Variants in METTL27 observed in about 807,000 individuals in gnomAD.
The protein encoded by METTL27 is methyltransferase-like protein 27.
In METTL27, 29 loss-of-function variants were observed where a neutral mutation model predicts 24.5. That is an observed-to-expected ratio of 1.18 (90% CI 0.88 to 1.61). The LOEUF (loss-of-function observed/expected upper bound fraction) is 1.61. Among genes scored for constraint, METTL27 ranks in the 40% most tolerant of loss-of-function variants. The probability of loss-of-function intolerance (pLI) is 0.00; values close to 1 mark genes in which losing one functional copy is unlikely to be tolerated. For synonymous variants in METTL27, 138 were observed against 146.8 expected (o/e 0.94, Z 0.43); for missense variants, 341 against 324.3 (o/e 1.05, Z -0.40).
At chr7:73,840,342 G>A in intron 4 of METTL27, 72 bp downstream of exon 4, 2 of 1,544,206 alleles carry the variant, frequency 1.3e-6, no homozygotes, top group Non-Finnish European at 1.7e-6. Flanking sequence ...TGTGGGAGAG[G>A]GATGGAGGAT....
At chr7:73,841,982 C>A in intron 2 of METTL27, 36 bp downstream of exon 2, 1 of 1,613,704 alleles carries the variant, frequency 6.2e-7, no homozygotes, top group Non-Finnish European at 8.5e-7. Flanking sequence ...AAAATGGAGG[C>A]TGGTCTAGTG....
At chr7:73,842,398 T>G in intron 1 of METTL27, 92 bp downstream of exon 1, 4 of 473,278 alleles carry the variant, frequency 8.5e-6, no homozygotes, top group Non-Finnish European at 1.4e-5. Flanking sequence ...AGGACCTATC[T>G]TCCTCTTTTC....
rs1788319266 is a variant in METTL27 at position 73,840,443 on chromosome 7, A to G, written c.359T>C (p.Leu120Pro). Residue 120 changes from leucine (L) to proline (P), a missense_variant, in exon 4 of 6, where the codon CTG becomes CCG. Leu to Pro is a moderately conservative substitution (Grantham distance 98). Transcript: ENST00000297873. ...GLYQRLSLCT[L>P]GQEPLPSPEG... is the part of the protein sequence containing the mutation. ...CGGGCTGGGCAGAGGCTCCTGGCCC[A>G]GGGTGCAGAGGCTGAGGCGCTGATA... 2 of 1,594,692 alleles carry G rather than the reference A, an allele frequency of 1.3e-6. No individual in the cohort carries two copies. Among genetic ancestry groups the G allele is most frequent in the Non-Finnish European group, 1.7e-6 (2 of 1,171,426 alleles).
intron 3 of METTL27, 63 bp downstream of exon 3, chr7:73,841,007 G>A: frequency 2.1e-6 from 3 of 1,405,356 alleles, no homozygotes; most frequent in Non-Finnish European, 2.8e-6. Context: ...GGGGCCAGGG[G>A]CAGTAGGAGA....
At chr7:73,839,922 C>A in intron 5 of METTL27, 109 bp downstream of exon 5, 1 of 1,004,608 alleles carries the variant, frequency 1.0e-6, no homozygotes, top group Non-Finnish European at 1.4e-6. Context: ...CTGGGCAGGA[C>A]GCTGCCCCTC....
chr7:73,834,796 G>T lies in METTL27; in HGVS notation c.685C>A (p.Pro229Thr), dbSNP rs1554634706. The change falls in exon 6 of 6, where the codon CCG (proline) becomes ACG (threonine). Residue 229 changes from proline to threonine, a missense_variant. Pro to Thr is a conservative substitution (Grantham distance 38). Coordinates refer to ENST00000297873, the MANE Select transcript of METTL27 (RefSeq NM_152559.3). ...CTTTCGGTACAGGTAGACAATGCCGGAGATGAAGCCATCCTTGGCAGAGAT... is the reference window on the plus strand; with the variant it reads ...CTTTCGGTACAGGTAGACAATGCCGTAGATGAAGCCATCCTTGGCAGAGAT... ...PASLPRMASS[P>T]ALSTCTESGR... 4 of 1,614,148 alleles carry T rather than the reference G, an allele frequency of 2.5e-6. No individual in the cohort carries two copies. Among genetic ancestry groups the T allele is most frequent in the Non-Finnish European group, 3.4e-6 (4 of 1,180,040 alleles).
At chr7:73,837,155 C>CA (rs1788232461) in intron 5 of METTL27, among the ~76,000 whole-genome samples, 1 of 143,784 alleles carries the variant, frequency 7.0e-6, no homozygotes, top group Non-Finnish European at 1.5e-5. Context: ...CGGAAGGCCG[C>CA]AGGGTCCTCT....
intron 4 of METTL27, 125 bp from the exon 5 acceptor site, chr7:73,840,245 C>T: frequency 6.9e-7 from 1 of 1,451,348 alleles, no homozygotes; most frequent in East Asian, 2.4e-5. Context: ...GGACCCAGGT[C>T]CCCTAGAGGA....
rs1214985989 is a variant in METTL27, at chr7:73,842,134, G to T, written c.7C>A (p.Gln3Lys). 6.2e-7 allele frequency: 1 copy of T among 1,610,400 alleles called. No individual in the cohort carries two copies. Among genetic ancestry groups the T allele is most frequent in the African/African-American group, 1.3e-5 (1 of 74,854 alleles). The change falls in exon 2 of 6, where the codon CAG (glutamine) becomes AAG (lysine). Residue 3 changes from glutamine (Q) to lysine (K), a missense_variant. By Grantham distance (53) the Gln-to-Lys change is moderately conservative. Transcript: ENST00000297873. MA[Q>K]EEGGSLPEVR... ...TCGGGCAGGCTCCCACCCTCCTCCTGGGCCATGCTCCTGTGGGGACACCGT... is the reference window on the plus strand; with the variant it reads ...TCGGGCAGGCTCCCACCCTCCTCCTTGGCCATGCTCCTGTGGGGACACCGT...
At chr7:73,841,301 G>A (rs1788348606) in intron 2 of METTL27, 103 bp from the exon 3 acceptor site, 3 of 1,466,966 alleles carry the variant, frequency 2.0e-6, no homozygotes, top group Non-Finnish European at 2.7e-6. Flanking sequence ...GTGTGTGTTG[G>A]GGATCAAGCC....
At chr7:73,840,353 C>G (rs151336190) in intron 4 of METTL27, 61 bp downstream of exon 4, 725 of 1,546,814 alleles carry the variant, frequency 4.7e-4, no homozygotes, top group South Asian at 2.0e-3. Context: ...GATGGAGGAT[C>G]AGCAAGGGAA....
intron 5 of METTL27, among the ~76,000 whole-genome samples, chr7:73,837,679 T>G (rs1192148398): frequency 6.6e-6 from 1 of 152,108 alleles, no homozygotes; most frequent in African/African-American, 2.4e-5. Flanking sequence ...TTCTCCTGTC[T>G]CAGCCTCCCT....
In METTL27 at chr7:73,842,119, T is replaced by C. The variant is rs782322135; in HGVS notation, c.22A>G (p.Ser8Gly). ...ACCCGCGCCCGCACCTCGGGCAGGC[T>C]CCCACCCTCCTCCTGGGCCATGCTC... MAQEEGG[S>G]LPEVRARVRA... is the part of the protein sequence containing the mutation. The change falls in exon 2 of 6, where the codon AGC (serine) becomes GGC (glycine). Residue 8 changes from serine (S) to glycine (G), a missense_variant. Physicochemically the swap from Ser to Gly is moderately conservative, Grantham distance 56. Transcript: ENST00000297873. 4.3e-6 allele frequency: 7 copies of C among 1,612,248 alleles called. No homozygotes were observed. The Admixed American group carries it at 1.2e-4, about 27-fold the overall frequency.
intron 5 of METTL27, among the ~76,000 whole-genome samples, chr7:73,836,034 A>G (rs1384570649): frequency 7.4e-4 from 109 of 147,094 alleles, no homozygotes; most frequent in Non-Finnish European, 7.1e-4. Context: ...CCCGTCTGGG[A>G]AGTGAGGAGC....
chr7:73,841,898 G>A, intron 2 of METTL27, 120 bp downstream of exon 2: 1 of 1,521,260 alleles, frequency 6.6e-7, no homozygotes, highest in Non-Finnish European at 8.9e-7. Flanking sequence ...GGACTGTAGG[G>A]TTCTTAGCCA....
At chr7:73,837,510 A>T in intron 5 of METTL27, among the ~76,000 whole-genome samples, 1 of 149,186 alleles carries the variant, frequency 6.7e-6, no homozygotes, top group African/African-American at 2.4e-5. Context: ...AAATTCTTCC[A>T]GCTTCCTTCC....
chr7:73,837,345 AAAATAAAT>A (rs150487757), intron 5 of METTL27, among the ~76,000 whole-genome samples: 4,813 of 144,248 alleles, frequency 0.033, 231 homozygotes, highest in African/African-American at 0.11. Flanking sequence ...CAATCAATTA[AAAATAAAT>A]AAATAAATAA....
At chr7:73,838,479 G>A (rs1255701117) in intron 5 of METTL27, among the ~76,000 whole-genome samples, 2 of 152,196 alleles carry the variant, frequency 1.3e-5, no homozygotes, top group East Asian at 1.9e-4. Context: ...CACTGAGAAG[G>A]AGAGATGGGG....
In METTL27 at chr7:73,840,421, G is replaced by A. The variant is rs200550577; in HGVS notation, c.381C>T (p.Ser127=). The A allele has an allele frequency of 2.2e-5, 34 of 1,579,438 alleles. No homozygotes were observed. Among genetic ancestry groups the A allele is most frequent in the Admixed American group, 1.8e-4 (10 of 54,708 alleles). Reference sequence around the variant, plus strand: ...AGGTGGGAGAGAAAGTACCTTCCGGGCTGGGCAGAGGCTCCTGGCCCAGGG... The same window carrying A: ...AGGTGGGAGAGAAAGTACCTTCCGGACTGGGCAGAGGCTCCTGGCCCAGGG... ...LCTLGQEPLP[S]PEGTFDAVLI... is the part of the protein sequence containing the mutation. The change falls in exon 4 of 6, where the codon AGC becomes AGT. Residue 127 remains serine (S), a synonymous_variant. Transcript: ENST00000297873.
Sources: allele counts gnomAD v4.1 joint callset (sites outside exome capture counted in the v4.1 genomes callset), GRCh38; gene constraint gnomAD v4.1.1; transcripts MANE v1.5; gene names NCBI Gene and HGNC (gene_info 2026-07-23, HGNC 2026-07-21).